The following FAM184A variants were observed in gnomAD, a reference collection of about 807,000 sequenced individuals.
FAM184A encodes family with sequence similarity 184 member A.
FAM184A carries 99 observed loss-of-function variants against 143.8 expected under a neutral mutation model. The observed-to-expected ratio is 0.69, with a 90% CI of 0.58 to 0.81. The LOEUF is 0.81. Ranked by LOEUF, FAM184A falls within the 40% of genes least tolerant of loss-of-function variation. The pLI is 0.00. For missense variants in FAM184A, 1,217 were observed against 1,310.5 expected, an observed-to-expected ratio of 0.93 and a Z score of 1.10; for synonymous variants, 427 against 446.4, an observed-to-expected ratio of 0.96 and a Z score of 0.55.
At chr6:118,997,031 G>C (rs747798637) in intron 9 of FAM184A, among the ~76,000 whole-genome samples, 2 of 101,268 alleles carry the variant, frequency 2.0e-5, no homozygotes, top group African/African-American at 6.9e-5. Flanking sequence ...AACAGGAAGA[G>C]ATCATTATTC....
chr6:119,142,039 A>G (rs1441781969), intron 1 of FAM184A, among the ~76,000 whole-genome samples: 1 of 152,254 alleles, frequency 6.6e-6, no homozygotes, highest in Non-Finnish European at 1.5e-5. Flanking sequence ...TTATTCCTCT[A>G]GAGTGCAGGG....
intron 1 of FAM184A, among the ~76,000 whole-genome samples, chr6:119,108,270 A>C (rs1788841895): frequency 6.6e-6 from 1 of 152,084 alleles, no homozygotes; most frequent in Non-Finnish European, 1.5e-5. Context: ...ATTCCCCTTG[A>C]CACTCTCACC....
At chr6:119,132,745 C>A (rs1307846557) in intron 1 of FAM184A, among the ~76,000 whole-genome samples, 1 of 152,264 alleles carries the variant, frequency 6.6e-6, no homozygotes, top group Non-Finnish European at 1.5e-5. Flanking sequence ...TGACCCAAGT[C>A]ATTGCTGCAA....
chr6:119,028,371 G>A (rs7738420), intron 1 of FAM184A, among the ~76,000 whole-genome samples: 62,033 of 151,990 alleles, frequency 0.41, 14,156 homozygotes, highest in Non-Finnish European at 0.53. Context: ...CTCTTGGGAA[G>A]GCCTCAGGAT....
chr6:119,048,102 T>C (rs1253463979), intron 1 of FAM184A, among the ~76,000 whole-genome samples: 1 of 152,096 alleles, frequency 6.6e-6, no homozygotes, highest in African/African-American at 2.4e-5. Context: ...ATGTGATTCA[T>C]CACATAAACA....
intron 1 of FAM184A, among the ~76,000 whole-genome samples, chr6:119,095,050 G>A (rs1788471318): frequency 6.6e-6 from 1 of 152,158 alleles, no homozygotes; most frequent in Non-Finnish European, 1.5e-5. Context: ...CTTGTGGTGG[G>A]ACTCTGTCAG....
At chr6:119,102,440 A>T (rs185988295) in intron 1 of FAM184A, among the ~76,000 whole-genome samples, 2 of 152,250 alleles carry the variant, frequency 1.3e-5, no homozygotes, top group African/African-American at 4.8e-5. Context: ...AATAAGCTTC[A>T]GTATGTATCA....
chr6:119,098,242 C>T (rs754635216), intron 1 of FAM184A, among the ~76,000 whole-genome samples: 1 of 152,164 alleles, frequency 6.6e-6, no homozygotes, highest in Non-Finnish European at 1.5e-5. Context: ...GTAAGACATG[C>T]CTTTCGCCTT....
At chr6:119,119,346 C>G (rs1189994438) in intron 1 of FAM184A, among the ~76,000 whole-genome samples, 2 of 152,190 alleles carry the variant, frequency 1.3e-5, no homozygotes, top group African/African-American at 4.8e-5. Flanking sequence ...TTGAAAATCA[C>G]TAATAAAAAC....
intron 15 of FAM184A, among the ~76,000 whole-genome samples, chr6:118,965,628 C>T (rs1783479668): frequency 6.6e-6 from 1 of 152,154 alleles, no homozygotes; most frequent in African/African-American, 2.4e-5. Context: ...TTAGTCACCA[C>T]TGTCATTCAA....
At chr6:119,120,808 CTT>C (rs1789189429) in intron 1 of FAM184A, among the ~76,000 whole-genome samples, 1 of 13,178 alleles carries the variant, frequency 7.6e-5, no homozygotes, top group Non-Finnish European at 2.2e-4. Context: ...TGGTTTTTCT[CTT>C]TCTTTCTTTC....
chr6:119,075,219 A>G (rs758694648), intron 1 of FAM184A, among the ~76,000 whole-genome samples: 5 of 152,240 alleles, frequency 3.3e-5, no homozygotes, highest in Non-Finnish European at 5.9e-5. Context: ...AAACTACTAT[A>G]TATACATTTT....
At chr6:119,104,230 C>A (rs968574289) in intron 1 of FAM184A, among the ~76,000 whole-genome samples, 3 of 152,086 alleles carry the variant, frequency 2.0e-5, no homozygotes, top group Admixed American at 6.6e-5. Context: ...TGGCCTCAAA[C>A]CCCTGGGCTC....
At chr6:118,964,554 G>T in intron 16 of FAM184A, 113 bp downstream of exon 16, 1 of 503,354 alleles carries the variant, frequency 2.0e-6, no homozygotes. Flanking sequence ...TTATTAAATA[G>T]AAGAAAACAT....
intron 1 of FAM184A, among the ~76,000 whole-genome samples, chr6:119,145,927 A>G (rs985119725): frequency 6.6e-6 from 1 of 152,228 alleles, no homozygotes; most frequent in Non-Finnish European, 1.5e-5. Flanking sequence ...ATATTTGCAC[A>G]TGATTTTACA....
chr6:119,077,054 A>C (rs1787898373), intron 1 of FAM184A, among the ~76,000 whole-genome samples: 2 of 151,956 alleles, frequency 1.3e-5, no homozygotes, highest in Non-Finnish European at 2.9e-5. Flanking sequence ...TTCTATCCTC[A>C]ATCACATTTC....
At chr6:118,989,602 A>G (rs1189679365) in intron 9 of FAM184A, among the ~76,000 whole-genome samples, 1 of 151,868 alleles carries the variant, frequency 6.6e-6, no homozygotes, top group Non-Finnish European at 1.5e-5. Flanking sequence ...ATATGAGATA[A>G]AAAGATTAAT....
At chr6:119,025,367 T>C (rs1582520669) in intron 1 of FAM184A, 1 of 490,532 alleles carries the variant, frequency 2.0e-6, no homozygotes, top group East Asian at 5.5e-5. Context: ...TATAGTTTGC[T>C]TCTAAAGCTG....
At chr6:119,081,176 A>G (rs933879149), upstream of FAM184A, among the ~76,000 whole-genome samples, 10 of 152,188 alleles carry the variant, frequency 6.6e-5, no homozygotes, top group Non-Finnish European at 1.3e-4. Flanking sequence ...CACATCCTAC[A>G]TGGTATCAGG....
Sources: allele counts gnomAD v4.1 joint callset (sites outside exome capture counted in the v4.1 genomes callset), GRCh38; gene constraint gnomAD v4.1.1; transcripts MANE v1.5; gene names NCBI Gene and HGNC (gene_info 2026-07-23, HGNC 2026-07-21).